Variants in PHF3 observed in about 807,000 individuals in gnomAD.
PHF3 encodes the protein PHD finger protein 3.
PHF3 carries 41 observed loss-of-function variants against 178.4 expected under a neutral mutation model. That is an observed-to-expected ratio of 0.23 (90% CI 0.18 to 0.30). PHF3 has a LOEUF of 0.30. PHF3 is among the 10% of genes least tolerant of loss of function. The pLI is 1.00. For synonymous variants in PHF3, 842 were observed against 800.5 expected, an observed-to-expected ratio of 1.05 and a Z score of -0.88; for missense variants, 2,346 against 2,398.1, an observed-to-expected ratio of 0.98 and a Z score of 0.45.
At chr6:63,700,730 C>T (rs1314659614) in intron 9 of PHF3, among the ~76,000 whole-genome samples, 4 of 152,106 alleles carry the variant, frequency 2.6e-5, no homozygotes, top group Non-Finnish European at 4.4e-5. Flanking sequence ...ATTACAGGCA[C>T]GTGCTGCCAC....
chr6:63,696,920 T>C (rs185795916), intron 6 of PHF3, among the ~76,000 whole-genome samples: 18 of 152,234 alleles, frequency 1.2e-4, no homozygotes, highest in African/African-American at 3.9e-4. Context: ...ACTGGAGACG[T>C]TGATTACAGA....
rs1164188284 is a variant in PHF3 at position 63,717,280 on chromosome 6, T to G, written c.*3572T>G. Among the ~76,000 whole-genome samples, 1 of 152,054 alleles carries G rather than the reference T, an allele frequency of 6.6e-6. No individual in the cohort carries two copies. The highest frequency in any genetic ancestry group is 1.5e-5 in the Non-Finnish European group (1 of 67,976). On this transcript the variant is annotated 3_prime_UTR_variant, in exon 16 of 16. Transcript: ENST00000262043. ...AGTTTATGAACCAAACTTAAATGCATTATGAGAGCTTGATAATGAACCAGA... is the reference window on the plus strand; with the variant it reads ...AGTTTATGAACCAAACTTAAATGCAGTATGAGAGCTTGATAATGAACCAGA...
At chr6:63,687,842 T>G (rs1277245877) in intron 4 of PHF3, among the ~76,000 whole-genome samples, 3 of 152,166 alleles carry the variant, frequency 2.0e-5, no homozygotes, top group African/African-American at 7.2e-5. Flanking sequence ...TCTAGAGTGT[T>G]TTTGCTCAAG....
chr6:63,685,583 C>T lies in PHF3; in HGVS notation c.1861C>T (p.His621Tyr), dbSNP rs1404366251. The T allele has an allele frequency of 1.2e-6, 2 of 1,614,016 alleles. No homozygotes were observed. The highest frequency in any genetic ancestry group is 2.7e-5 in the African/African-American group (2 of 74,910). The change falls in exon 4 of 16, where the codon CAT becomes TAT. Residue 621 changes from histidine (H) to tyrosine (Y), a missense_variant. His to Tyr is a moderately conservative substitution (Grantham distance 83). Transcript: ENST00000262043. Reference protein sequence around the residue: ...HHPAQTGHVSHSSQKQCHKPQ... With the variant: ...HHPAQTGHVSYSSQKQCHKPQ... ...TCCTGCACAAACTGGACATGTATCA[C>T]ATTCTAGCCAGAAACAGTGTCATAA... is the stretch of plus-strand genomic sequence containing the variant.
chr6:63,708,885 C>T (rs775791993), intron 13 of PHF3, among the ~76,000 whole-genome samples: 14 of 152,180 alleles, frequency 9.2e-5, no homozygotes, highest in Non-Finnish European at 2.1e-4. Context: ...GCTTCCCTTT[C>T]CCATCTTTCA....
Position 63,712,274 on chromosome 6 carries a change from T to A in PHF3, c.4686T>A (p.Gly1562=). Residue 1562 remains glycine (G), a synonymous_variant, in exon 16 of 16, where the codon GGT becomes GGA. Transcript: ENST00000262043. ...AGSLTSLSLR[G]KPPDVSTEAF... ...CTTTGACGAGTCTTAGTCTCAGAGG[T>A]AAGCCACCAGATGTTTCTACAGAAG... 8.7e-6 allele frequency: 14 copies of A among 1,613,896 alleles called. No individual in the cohort carries two copies. The highest frequency in any genetic ancestry group is 1.2e-5 in the Non-Finnish European group (14 of 1,179,900).
At chr6:63,706,282 C>T (rs1462029626) in intron 12 of PHF3, 58 bp downstream of exon 12, 1 of 1,303,500 alleles carries the variant, frequency 7.7e-7, no homozygotes, top group Non-Finnish European at 1.1e-6. Context: ...CCAGATTATA[C>T]TTGCAAGTCT....
chr6:63,721,296 T>C lies in PHF3; in HGVS notation c.*7588T>C. The C allele has an allele frequency of 6.4e-7, 1 of 1,551,974 alleles. No homozygotes were observed. Among genetic ancestry groups the C allele is most frequent in the Non-Finnish European group, 8.7e-7 (1 of 1,146,992 alleles). On this transcript the variant is annotated 3_prime_UTR_variant, in exon 16 of 16. Transcript: ENST00000262043. ...AAGATTATTCAAACAGGACACAGAC[T>C]GGTTACATGTATTTCCAGCCCAATC...
Position 63,684,410 on chromosome 6 carries a change from G to A in PHF3, c.688G>A (p.Asp230Asn). ...SSVSSCLEMK[D>N]EDGLDSKHKC... The stretch of plus-strand genomic sequence containing the variant: ...AGTGTCATCTTGTCTTGAAATGAAG[G>A]ATGAAGATGGATTAGATTCTAAGCA... Residue 230 changes from aspartate (D) to asparagine (N), a missense_variant, in exon 4 of 16, where the codon GAT becomes AAT. Asp to Asn is a conservative substitution (Grantham distance 23). Around this residue, in one of 8 missense-constraint regions of PHF3, gnomAD observed 843 missense variants for 795.2 expected, o/e 1.06. Coordinates refer to ENST00000262043, the MANE Select transcript of PHF3 (RefSeq NM_001370348.2). The A allele has an allele frequency of 6.2e-7, 1 of 1,614,008 alleles. No homozygotes were observed. The highest frequency in any genetic ancestry group is 2.2e-5 in the East Asian group (1 of 44,866).
intron 2 of PHF3, among the ~76,000 whole-genome samples, chr6:63,652,846 T>TG (rs1464508986): frequency 1.3e-5 from 2 of 152,096 alleles, no homozygotes; most frequent in Non-Finnish European, 2.9e-5. Flanking sequence ...GTTATAAATA[T>TG]GTGGATTCAT....
At chr6:63,695,208 C>T (rs1052814630) in intron 6 of PHF3, among the ~76,000 whole-genome samples, 3 of 151,984 alleles carry the variant, frequency 2.0e-5, no homozygotes, top group Non-Finnish European at 4.4e-5. Flanking sequence ...GTAAGGGACA[C>T]ATCAAATCTT....
At chr6:63,672,354 A>G (rs1019147037) in intron 2 of PHF3, among the ~76,000 whole-genome samples, 2 of 152,138 alleles carry the variant, frequency 1.3e-5, no homozygotes, top group Non-Finnish European at 2.9e-5. Context: ...TTATGTCACC[A>G]TAGATTTTCT....
intron 1 of PHF3, among the ~76,000 whole-genome samples, chr6:63,640,481 A>G (rs1764526037): frequency 6.6e-6 from 1 of 152,202 alleles, no homozygotes; most frequent in South Asian, 2.1e-4. Flanking sequence ...TGTGAGGATT[A>G]AATGGCATGA....
intron 1 of PHF3, 99 bp from the exon 2 acceptor site, chr6:63,646,428 A>C: frequency 1.4e-6 from 1 of 740,462 alleles, no homozygotes. Flanking sequence ...AAATACCTTA[A>C]GTGTGTTCTT....
At chr6:63,700,853 A>AT (rs1260245727) in intron 9 of PHF3, among the ~76,000 whole-genome samples, 14 of 152,156 alleles carry the variant, frequency 9.2e-5, no homozygotes, top group South Asian at 2.1e-4. Flanking sequence ...AAGTGTGGGG[A>AT]TTACAGGCAT....
Position 63,712,760 on chromosome 6 carries a change from A to G in PHF3, c.5172A>G (p.Ser1724=). 1.2e-6 allele frequency: 2 copies of G among 1,613,972 alleles called. No individual in the cohort carries two copies. Among genetic ancestry groups the G allele is most frequent in the Non-Finnish European group, 1.7e-6 (2 of 1,179,940 alleles). ...TAAAAGTTGCACAAAACTCACCATC[A>G]GTAGAAAACATACAGACTTCTCAAG... The part of the protein sequence containing the change: ...DNLKVAQNSP[S]VENIQTSQAE... Residue 1724 remains serine, a synonymous_variant, in exon 16 of 16, where the codon TCA becomes TCG. Coordinates refer to ENST00000262043, the MANE Select transcript of PHF3 (RefSeq NM_001370348.2).
chr6:63,640,735 A>G (rs115611762), intron 1 of PHF3, among the ~76,000 whole-genome samples: 1,836 of 152,316 alleles, frequency 0.012, 39 homozygotes, highest in African/African-American at 0.042. Context: ...ATTTCATTTT[A>G]TTTCAATTTT....
At position 63,709,218 on chromosome 6, in the gene PHF3, A is replaced by G; in HGVS notation, c.3779A>G (p.Lys1260Arg). The stretch of plus-strand genomic sequence containing the variant: ...CAGACAGTTTGGGATTATGTGGAAA[A>G]AATAAAAGCATCAGGAACCAAGGTG... ...SPQTVWDYVE[K>R]IKASGTKEIC... The change falls in exon 14 of 16, where the codon AAA becomes AGA. Residue 1260 changes from lysine to arginine, a missense_variant. Lys to Arg is a conservative substitution (Grantham distance 26, BLOSUM62 2). Transcript: ENST00000262043. 6.2e-7 allele frequency: 1 copy of G among 1,612,028 alleles called. No individual in the cohort carries two copies. Among genetic ancestry groups the G allele is most frequent in the Non-Finnish European group, 8.5e-7 (1 of 1,178,490 alleles).
Position 63,711,684 on chromosome 6 carries a change from G to A in PHF3, c.4096G>A (p.Glu1366Lys). The part of the protein sequence containing the change: ...SACASTSHIA[E>K]TPESAPPIAL... The stretch of plus-strand genomic sequence containing the variant: ...CTGTGCTAGTACTAGTCATATAGCT[G>A]AGACTCCTGAAAGTGCACCACCAAT... The change falls in exon 16 of 16, where the codon GAG becomes AAG. Residue 1366 changes from glutamate to lysine, a missense_variant. By Grantham distance (56) the Glu-to-Lys change is moderately conservative (BLOSUM62 1). Transcript: ENST00000262043. 1 of 1,613,900 alleles carries A rather than the reference G, an allele frequency of 6.2e-7. No homozygotes were observed. The highest frequency in any genetic ancestry group is 1.7e-4 in the Middle Eastern group (1 of 6,060).
Sources: gnomAD v4.1 joint callset for allele counts (sites outside exome capture counted in the v4.1 genomes callset) on GRCh38, gnomAD v4.1.1 for gene constraint, gnomAD v4.1.1 regional missense constraint, MANE v1.5 for transcripts, NCBI Gene and HGNC (gene_info 2026-07-23, HGNC 2026-07-21) for gene names.